Variants in AGMO observed in about 807,000 individuals in gnomAD.
The protein encoded by AGMO is alkylglycerol monooxygenase, also known as glyceryl-ether monooxygenase.
A neutral mutation model predicts 60.2 loss-of-function variants in AGMO; 75 were observed. The observed-to-expected ratio is 1.25, with a 90% CI of 1.03 to 1.51. AGMO has a LOEUF of 1.51. Ranked by LOEUF, AGMO falls within the 40% of genes most tolerant of loss-of-function variation. AGMO has a pLI of 0.00. For missense variants in AGMO, 763 were observed against 525.5 expected, an observed-to-expected ratio of 1.45 and a Z score of -4.42; for synonymous variants, 261 against 177.1, an observed-to-expected ratio of 1.47 and a Z score of -3.76.
At chr7:15,125,401 ACCAAGAGCCC>A in the AGMO span, among the ~76,000 whole-genome samples, 1 of 152,112 alleles carries the variant, frequency 6.6e-6, no homozygotes, top group East Asian at 1.9e-4. Context: ...TCAGACTACT[ACCAAGAGCCC>A]CATAGCTTAA....
chr7:15,186,776 GC>G, the AGMO span, among the ~76,000 whole-genome samples: 1 of 152,070 alleles, frequency 6.6e-6, no homozygotes, highest in Admixed American at 6.6e-5. Context: ...TTCATTGTCT[GC>G]CGCCACCGCC....
At chr7:15,453,135 G>A (rs1781898267) in intron 3 of AGMO, among the ~76,000 whole-genome samples, 1 of 152,178 alleles carries the variant, frequency 6.6e-6, no homozygotes, top group Non-Finnish European at 1.5e-5. Flanking sequence ...AAATGTTCTG[G>A]AATTAGAAAG....
At chr7:15,218,686 C>G (rs2128496135) in intron 12 of AGMO, among the ~76,000 whole-genome samples, 1 of 151,856 alleles carries the variant, frequency 6.6e-6, no homozygotes, top group South Asian at 2.1e-4. Context: ...TCAACAAGAC[C>G]TGTGAATGGT....
At chr7:15,311,727 A>T (rs1442852502) in intron 12 of AGMO, among the ~76,000 whole-genome samples, 1 of 152,220 alleles carries the variant, frequency 6.6e-6, no homozygotes, top group Non-Finnish European at 1.5e-5. Flanking sequence ...TTCACAAGAA[A>T]ACAAAGCATT....
chr7:15,221,390 A>G lies in AGMO; in HGVS notation c.1264-20031T>C, dbSNP rs918539083. Among the ~76,000 whole-genome samples, 12 of 152,142 alleles carry G rather than the reference A, an allele frequency of 7.9e-5. 1 individual carries two copies. Among genetic ancestry groups the G allele is most frequent in the Admixed American group, 7.2e-4 (11 of 15,248 alleles). ...GTGAAATAACAACTTTACCTACATC[A>G]TAATCACAGAAAGAGAGAAAAAAAA... On this transcript the variant is annotated intron_variant, in intron 12 of 12. Coordinates refer to ENST00000342526, the MANE Select transcript of AGMO (RefSeq NM_001004320.2).
At chr7:15,303,559 C>T (rs2128527397) in intron 12 of AGMO, among the ~76,000 whole-genome samples, 1 of 152,194 alleles carries the variant, frequency 6.6e-6, no homozygotes, top group South Asian at 2.1e-4. Context: ...AGTGATCTTG[C>T]TTGACCTGTG....
intron 12 of AGMO, among the ~76,000 whole-genome samples, chr7:15,321,276 G>C (rs187367215): frequency 1.3e-5 from 2 of 152,068 alleles, no homozygotes; most frequent in East Asian, 1.9e-4. Flanking sequence ...TGGACAAAGA[G>C]GGGCTGCCAC....
At chr7:15,226,083 C>A (rs1369877160) in intron 12 of AGMO, among the ~76,000 whole-genome samples, 1 of 151,990 alleles carries the variant, frequency 6.6e-6, no homozygotes, top group African/African-American at 2.4e-5. Context: ...TGCCCCAGTC[C>A]TGTTCATCAC....
At chr7:15,546,778 C>T (rs1048161621) in intron 2 of AGMO, among the ~76,000 whole-genome samples, 1 of 152,192 alleles carries the variant, frequency 6.6e-6, no homozygotes, top group African/African-American at 2.4e-5. Flanking sequence ...TCAAAGTAGG[C>T]GGTGAGAACA....
intron 12 of AGMO, among the ~76,000 whole-genome samples, chr7:15,283,137 T>C (rs1490987390): frequency 2.0e-5 from 3 of 152,056 alleles, no homozygotes; most frequent in Non-Finnish European, 4.4e-5. Flanking sequence ...TAGAACCTCT[T>C]AAAAGCATAA....
At chr7:15,538,091 G>C (rs941483906) in intron 3 of AGMO, among the ~76,000 whole-genome samples, 1 of 152,038 alleles carries the variant, frequency 6.6e-6, no homozygotes, top group African/African-American at 2.4e-5. Flanking sequence ...GGCTTCTCTC[G>C]TAGAGGTGCT....
chr7:15,527,140 T>C, intron 3 of AGMO, among the ~76,000 whole-genome samples: 1 of 152,130 alleles, frequency 6.6e-6, no homozygotes, highest in South Asian at 2.1e-4. Context: ...ATCTCTCACT[T>C]TAAATTAAAA....
intron 12 of AGMO, among the ~76,000 whole-genome samples, chr7:15,295,986 A>C (rs1784394227): frequency 6.6e-6 from 1 of 152,178 alleles, no homozygotes; most frequent in Non-Finnish European, 1.5e-5. Flanking sequence ...TATTTTTAAA[A>C]ATCAGATAAT....
chr7:15,241,766 G>A (rs1782597789), intron 12 of AGMO, among the ~76,000 whole-genome samples: 1 of 152,150 alleles, frequency 6.6e-6, no homozygotes, highest in African/African-American at 2.4e-5. Context: ...TGAGTCAGAA[G>A]TCCAGGTAGA....
intron 3 of AGMO, among the ~76,000 whole-genome samples, chr7:15,450,880 T>A (rs957691904): frequency 6.6e-6 from 1 of 152,088 alleles, no homozygotes. Context: ...ATATTAATAA[T>A]AAAATTAAAT....
At chr7:15,466,143 ATGATAACAG>A (rs1334169758) in intron 3 of AGMO, among the ~76,000 whole-genome samples, 2 of 152,172 alleles carry the variant, frequency 1.3e-5, no homozygotes, top group African/African-American at 4.8e-5. Context: ...TACAATGGTG[ATGATAACAG>A]TGATGGCAGT....
At chr7:15,147,434 T>C in the AGMO span, among the ~76,000 whole-genome samples, 1 of 151,754 alleles carries the variant, frequency 6.6e-6, no homozygotes, top group Non-Finnish European at 1.5e-5. Flanking sequence ...GTAGGGGAAC[T>C]CCTCTTCATA....
chr7:15,386,621 C>G (rs1783926654), intron 9 of AGMO, among the ~76,000 whole-genome samples: 1 of 152,102 alleles, frequency 6.6e-6, no homozygotes, highest in African/African-American at 2.4e-5. Context: ...AGGATTTTTT[C>G]AAAATAACAG....
At chr7:15,209,163 G>A (rs572144939) in intron 12 of AGMO, among the ~76,000 whole-genome samples, 1 of 152,192 alleles carries the variant, frequency 6.6e-6, no homozygotes, top group South Asian at 2.1e-4. Context: ...ATTCCAAAGA[G>A]CAAAATGTAC....
Sources: allele counts gnomAD v4.1 joint callset (sites outside exome capture counted in the v4.1 genomes callset), GRCh38; gene constraint gnomAD v4.1.1; transcripts MANE v1.5; gene names NCBI Gene and HGNC (gene_info 2026-07-23, HGNC 2026-07-21).